The following EEF2 variants were observed in gnomAD, a reference collection of about 807,000 sequenced individuals.
EEF2 encodes the protein eukaryotic translation elongation factor 2, also known as elongation factor 2.
In EEF2, 21 loss-of-function variants were observed where a neutral mutation model predicts 85.3. The ratio of observed to expected loss-of-function variants is 0.25; its 90% confidence interval spans 0.17 to 0.35. The LOEUF is 0.35. Ranked by LOEUF, EEF2 falls within the 10% of genes least tolerant of loss-of-function variation. EEF2 has a pLI of 1.00. For synonymous variants in EEF2, 723 were observed against 508.8 expected (o/e 1.42, Z -5.67); for missense variants, 825 against 1,225.3 (o/e 0.67, Z 4.88).
rs917681688 is a variant in EEF2, at chr19:3,977,773, G to A, written c.2067+46C>T. ...GAGGCAGGACCATGAGGTCCCTCTA[G>A]AGCCTGGAAACGGGTGTGGTCTGCA... On this transcript the variant is annotated intron_variant, in intron 12 of 14. Coordinates refer to ENST00000309311, the MANE Select transcript of EEF2 (RefSeq NM_001961.4). The surrounding 1 kb of genome is among the most constrained non-coding windows in gnomAD (Gnocchi z 5.4). The A allele has an allele frequency of 1.3e-6, 2 of 1,525,912 alleles. No individual in the cohort carries two copies. The highest frequency in any genetic ancestry group is 8.8e-7 in the Non-Finnish European group (1 of 1,135,216). The allele number at this position is 1,525,912 out of a possible 1,614,324, so 94.5% of individuals were successfully genotyped here. A position where few individuals can be genotyped will look rare whatever the true frequency, so the allele number is the denominator to read the frequency against.
At chr19:3,978,307 G>C in intron 11 of EEF2, 135 bp from the exon 12 acceptor site, 1 of 725,382 alleles carries the variant, frequency 1.4e-6, no homozygotes, top group Non-Finnish European at 2.1e-6. Context: ...GAACGAAGCG[G>C]AGTCAGTGTT....
Position 3,976,306 on chromosome 19 carries a change from C to G in EEF2, c.*248G>C, listed in dbSNP as rs371537033. On this transcript the variant is annotated 3_prime_UTR_variant, in exon 15 of 15. Coordinates refer to ENST00000309311, the MANE Select transcript of EEF2 (RefSeq NM_001961.4). ...TGTTGGGTGTCCCATCCCGCCTCCCCCTCCCCGACCGGCCCATTAAGTCCC... is the reference window on the plus strand; with the variant it reads ...TGTTGGGTGTCCCATCCCGCCTCCCGCTCCCCGACCGGCCCATTAAGTCCC... 27 of 411,628 alleles carry G rather than the reference C, an allele frequency of 6.6e-5. 1 individual carries two copies. Among genetic ancestry groups the G allele is most frequent in the South Asian group, 4.2e-4 (15 of 35,870 alleles). 25.5% of individuals were successfully genotyped at this position (411,628 alleles called of 1,614,324 possible).
chr19:3,976,822 C>T, intron 14 of EEF2, 75 bp from the exon 15 acceptor site: 1 of 1,419,052 alleles, frequency 7.0e-7, no homozygotes, highest in Non-Finnish European at 9.3e-7. Flanking sequence ...GTCAGGAGCT[C>T]AGGCTAGTTC....
chr19:3,982,034 G>T lies in EEF2; in HGVS notation c.810C>A (p.Asn270Lys). 6.2e-7 allele frequency: 1 copy of T among 1,614,146 alleles called. No homozygotes were observed. Among genetic ancestry groups the T allele is most frequent in the Non-Finnish European group, 8.5e-7 (1 of 1,180,010 alleles). Reference sequence around the variant, plus strand: ...TGGTGGCTGACTTGCTGAACTTGCCGTTGGCTGGGTCAAAGTACCTGGCAA... The same window carrying T: ...TGGTGGCTGACTTGCTGAACTTGCCTTTGGCTGGGTCAAAGTACCTGGCAA... ...LWGDRYFDPA[N>K]GKFSKSATSP... is the part of the protein sequence containing the mutation. The change falls in exon 6 of 15, where the codon AAC (asparagine) becomes AAA (lysine). Residue 270 changes from asparagine (N) to lysine (K), a missense_variant. By Grantham distance (94) the Asn-to-Lys change is moderately conservative. Coordinates refer to ENST00000309311, the MANE Select transcript of EEF2 (RefSeq NM_001961.4).
At chr19:3,984,469 GCC>G (rs1471007704) in intron 1 of EEF2, 119 bp from the exon 2 acceptor site, 3 of 1,075,950 alleles carry the variant, frequency 2.8e-6, no homozygotes, top group Admixed American at 4.1e-5. Context: ...GTGCTGGGGT[GCC>G]CCAAGCCCAC....
Position 3,984,231 on chromosome 19 carries a change from G to A in EEF2, c.123C>T (p.Cys41=), listed in dbSNP as rs749059493. 1.2e-6 allele frequency: 2 copies of A among 1,614,144 alleles called. No homozygotes were observed. The highest frequency in any genetic ancestry group is 1.3e-5 in the African/African-American group (1 of 75,060). Residue 41 remains cysteine (C), a synonymous_variant, in exon 2 of 15, where the codon TGC becomes TGT. Coordinates refer to ENST00000309311, the MANE Select transcript of EEF2 (RefSeq NM_001961.4). ...GGGCCGAGGCGATGATGCCCGCCTT[G>A]CACACCAGGGAGTCTGTCAGCGTGG... is the stretch of plus-strand genomic sequence containing the variant. The part of the protein sequence containing the change: ...GKSTLTDSLV[C]KAGIIASARA...
Position 3,980,837 on chromosome 19 carries a change from G to C in EEF2, c.1150+4C>G, listed in dbSNP as rs369925168. The C allele has an allele frequency of 6.4e-7, 1 of 1,571,180 alleles. No individual in the cohort carries two copies. The highest frequency in any genetic ancestry group is 8.6e-7 in the Non-Finnish European group (1 of 1,159,740). ...CTCAGGGCCCGGCCACCGGGACCAC[G>C]TACCCATGGCAGCCTCGTCGTCCGG... On this transcript the variant is annotated splice_donor_region_variant and intron_variant, in intron 8 of 14. Transcript: ENST00000309311.
chr19:3,983,725 C>A lies in EEF2; in HGVS notation c.218+411G>T. The A allele has an allele frequency of 9.9e-6, 3 of 302,402 alleles. No individual in the cohort carries two copies. In the South Asian group the frequency reaches 1.2e-4, roughly 12 times the overall value. The allele number at this position is 302,402 out of a possible 1,614,324, so 18.7% of individuals were successfully genotyped here. A position where few individuals can be genotyped will look rare whatever the true frequency, so the allele number is the denominator to read the frequency against. On this transcript the variant is annotated intron_variant, in intron 2 of 14. Transcript: ENST00000309311. ...CCAGGACAAAAAGCAGTTGGGGTCACCGTACTCTGCGCTCCCCCTACTCAT... is the reference window on the plus strand; with the variant it reads ...CCAGGACAAAAAGCAGTTGGGGTCAACGTACTCTGCGCTCCCCCTACTCAT...
intron 4 of EEF2, 172 bp downstream of exon 4, chr19:3,982,635 C>T: frequency 9.2e-7 from 1 of 1,091,326 alleles, no homozygotes; most frequent in Non-Finnish European, 1.3e-6. Flanking sequence ...TCCAGCTGCC[C>T]AAAGATCAAG....
intron 11 of EEF2, among the ~76,000 whole-genome samples, chr19:3,978,446 C>A (rs1379547203): frequency 6.6e-6 from 1 of 152,146 alleles, no homozygotes; most frequent in East Asian, 1.9e-4. Context: ...CTGGAGCAGG[C>A]CTGTCCCAAC....
chr19:3,982,957 C>T lies in EEF2; in HGVS notation c.462G>A (p.Val154=), dbSNP rs376435145. ...CGCGGTCCATCTTGTTCATCATCAG[C>T]ACAGGCTTGATGCGCTCGGCAATGG... is the stretch of plus-strand genomic sequence containing the variant. ...RQAIAERIKP[V]LMMNKMDRAL... is the part of the protein sequence containing the mutation. The change falls in exon 4 of 15, where the codon GTG becomes GTA. Residue 154 remains valine (V), a synonymous_variant. Transcript: ENST00000309311. The T allele has an allele frequency of 1.1e-5, 17 of 1,613,102 alleles. No homozygotes were observed. Among genetic ancestry groups the T allele is most frequent in the Non-Finnish European group, 1.4e-5 (17 of 1,179,964 alleles).
Position 3,982,464 on chromosome 19 carries a change from T to C in EEF2, c.613-40A>G, listed in dbSNP as rs369739882. The stretch of plus-strand genomic sequence containing the variant: ...AACGAGAAGCAGCCGTGAGGGCCCC[T>C]GCGCAGAGCCTGAAGCTACGGGCTG... On this transcript the variant is annotated intron_variant, in intron 4 of 14. Coordinates refer to ENST00000309311, the MANE Select transcript of EEF2 (RefSeq NM_001961.4). 3.1e-5 allele frequency: 50 copies of C among 1,612,780 alleles called. No individual in the cohort carries two copies. In the African/African-American group the frequency reaches 5.9e-4, roughly 19 times the overall value.
In EEF2 at chr19:3,977,697, G is replaced by C. The variant is rs982952460; in HGVS notation, c.2068-87C>G. On this transcript the variant is annotated intron_variant, in intron 12 of 14. Coordinates refer to ENST00000309311, the MANE Select transcript of EEF2 (RefSeq NM_001961.4). The surrounding 1 kb of genome is among the most constrained non-coding windows in gnomAD (Gnocchi z 5.4). ...TGCCAAGTCCTGCAGGTCTCCACCA[G>C]GGGGACCTGGGGCCTTGCCCGCCTT... 4.4e-5 allele frequency: 65 copies of C among 1,473,740 alleles called. 2 individuals carry two copies. Among genetic ancestry groups the C allele is most frequent in the Non-Finnish European group, 1.4e-5 (16 of 1,115,432 alleles). 91.3% of individuals were successfully genotyped at this position (1,473,740 alleles called of 1,614,324 possible).
Position 3,980,635 on chromosome 19 carries a change from G to T in EEF2, c.1225C>A (p.Arg409=). Residue 409 remains arginine (R), a synonymous_variant, in exon 9 of 15, where the codon CGG becomes AGG. Transcript: ENST00000309311. ...AAGACTCGTCCAAAGGCGTAGAACC[G>T]ACCTTTGTCGGAGGTTGGCACCATT... ...SKMVPTSDKG[R]FYAFGRVFSG... is the part of the protein sequence containing the mutation. 1.2e-6 allele frequency: 2 copies of T among 1,614,178 alleles called. No homozygotes were observed. Among genetic ancestry groups the T allele is most frequent in the African/African-American group, 2.7e-5 (2 of 75,052 alleles).
Position 3,976,428 on chromosome 19 carries a change from C to A in EEF2, c.*126G>T. ...GGTTGAGTGATGGCACGCAGCGGGC[C>A]CCAGAAACCTCTCAGGGGAGCGTCG... On this transcript the variant is annotated 3_prime_UTR_variant, in exon 15 of 15. Coordinates refer to ENST00000309311, the MANE Select transcript of EEF2 (RefSeq NM_001961.4). 9.1e-7 allele frequency: 1 copy of A among 1,094,956 alleles called. No homozygotes were observed. Among genetic ancestry groups the A allele is most frequent in the Non-Finnish European group, 1.3e-6 (1 of 776,616 alleles). The allele number at this position is 1,094,956 out of a possible 1,614,324, so 67.8% of individuals were successfully genotyped here.
In EEF2 at chr19:3,985,430, C is replaced by T. The variant is rs750678552; in HGVS notation, c.-50G>A. ...CCAGGTAGAACCGAAAGAAGCGAGTCGCGCCGAGGATGGCGGCGACGACGG... is the reference window on the plus strand; with the variant it reads ...CCAGGTAGAACCGAAAGAAGCGAGTTGCGCCGAGGATGGCGGCGACGACGG... On this transcript the variant is annotated 5_prime_UTR_variant, in exon 1 of 15. Transcript: ENST00000309311. 2 of 1,464,550 alleles carry T rather than the reference C, an allele frequency of 1.4e-6. No homozygotes were observed. The highest frequency in any genetic ancestry group is 1.4e-5 in the South Asian group (1 of 72,960). 90.7% of individuals were successfully genotyped at this position (1,464,550 alleles called of 1,614,324 possible). A position where few individuals can be genotyped will look rare whatever the true frequency, so the allele number is the denominator to read the frequency against.
rs1346568704 is a variant in EEF2 at position 3,977,614 on chromosome 19, G to C, written c.2068-4C>G. 3.3e-6 allele frequency: 5 copies of C among 1,507,722 alleles called. No individual in the cohort carries two copies. Among genetic ancestry groups the C allele is most frequent in the Non-Finnish European group, 3.5e-6 (4 of 1,132,258 alleles). 93.4% of individuals were successfully genotyped at this position (1,507,722 alleles called of 1,614,324 possible). On this transcript the variant is annotated splice_region_variant and splice_polypyrimidine_tract_variant and intron_variant, in intron 12 of 14. Coordinates refer to ENST00000309311, the MANE Select transcript of EEF2 (RefSeq NM_001961.4). The surrounding 1 kb of genome is among the most constrained non-coding windows in gnomAD (Gnocchi z 5.4). ...TGTTCTCCTCACACAGTGCGCCCTGGGGGAGGGGGAGAGCCACCGTCAAGG... is the reference window on the plus strand; with the variant it reads ...TGTTCTCCTCACACAGTGCGCCCTGCGGGAGGGGGAGAGCCACCGTCAAGG...
At chr19:3,982,744 T>G in intron 4 of EEF2, 63 bp downstream of exon 4, 1 of 1,535,966 alleles carries the variant, frequency 6.5e-7, no homozygotes, top group Non-Finnish European at 8.8e-7. Flanking sequence ...TCAACTCCAC[T>G]CCCCACCGGC....
Position 3,981,348 on chromosome 19 carries a change from G to A in EEF2, c.1002C>T (p.Pro334=), listed in dbSNP as rs771667489. ...DSEDKDKEGK[P]LLKAVMRRWL... ...TGGGCCCAGGCCGCACCTTCAGCAG[G>A]GGTTTGCCTTCTTTGTCCTTGTCCT... The change falls in exon 7 of 15, where the codon CCC becomes CCT. Residue 334 remains proline (P), a synonymous_variant. Coordinates refer to ENST00000309311, the MANE Select transcript of EEF2 (RefSeq NM_001961.4). 1.2e-6 allele frequency: 2 copies of A among 1,614,196 alleles called. No individual in the cohort carries two copies. Among genetic ancestry groups the A allele is most frequent in the Admixed American group, 1.7e-5 (1 of 60,034 alleles).
Sources: allele counts gnomAD v4.1 joint callset (sites outside exome capture counted in the v4.1 genomes callset), GRCh38; gene constraint gnomAD v4.1.1; non-coding constraint Gnocchi (gnomAD v3.1); transcripts MANE v1.5; gene names NCBI Gene and HGNC (gene_info 2026-07-23, HGNC 2026-07-21).